MAPK8: variants seen among roughly 807,000 people sequenced by gnomAD.
MAPK8 encodes mitogen-activated protein kinase 8.
Under a neutral mutation model 52.9 loss-of-function variants are expected in MAPK8, and 13 were observed. That is an observed-to-expected ratio of 0.25 (90% CI 0.16 to 0.39). The LOEUF is 0.39. Among genes scored for constraint, MAPK8 ranks in the 10% least tolerant of loss-of-function variants. The probability of loss-of-function intolerance (pLI) is 1.00; values close to 1 mark genes in which losing one functional copy is unlikely to be tolerated. For missense variants in MAPK8, 300 were observed against 519.2 expected (o/e 0.58, Z 4.10); for synonymous variants, 191 against 169.8 (o/e 1.12, Z -0.97).
intron 1 of MAPK8, among the ~76,000 whole-genome samples, chr10:48,371,035 G>A (rs141511238): frequency 5.1e-4 from 77 of 152,180 alleles, no homozygotes; most frequent in African/African-American, 1.8e-3. Context: ...GCAGATCACC[G>A]GATTTGTGAG....
At chr10:48,312,082 C>T (rs1842034468) in intron 1 of MAPK8, among the ~76,000 whole-genome samples, 1 of 152,172 alleles carries the variant, frequency 6.6e-6, no homozygotes, top group Non-Finnish European at 1.5e-5. Context: ...GTCATTGGGG[C>T]ATTTGGGGCC....
intron 9 of MAPK8, 31 bp from the exon 10 acceptor site, chr10:48,427,049 G>A: frequency 1.3e-6 from 2 of 1,565,586 alleles, no homozygotes; most frequent in Non-Finnish European, 1.8e-6. Flanking sequence ...CCAGCATACT[G>A]ACTTGGTTAT....
intron 1 of MAPK8, among the ~76,000 whole-genome samples, chr10:48,328,124 T>C (rs891813736): frequency 2.0e-5 from 3 of 152,076 alleles, no homozygotes; most frequent in Non-Finnish European, 2.9e-5. Flanking sequence ...TCAAGCGATT[T>C]TCCTGCCTCA....
chr10:48,400,697 C>CA (rs1427653721), intron 1 of MAPK8, among the ~76,000 whole-genome samples: 3 of 152,086 alleles, frequency 2.0e-5, no homozygotes, highest in South Asian at 2.1e-4. Flanking sequence ...CTTAAAACCA[C>CA]AAAAAACAAT....
intron 1 of MAPK8, among the ~76,000 whole-genome samples, chr10:48,332,896 A>G (rs980546417): frequency 6.6e-6 from 1 of 152,180 alleles, no homozygotes; most frequent in Non-Finnish European, 1.5e-5. Context: ...TTTGGCCTTC[A>G]AGGAGCTTTA....
intron 1 of MAPK8, among the ~76,000 whole-genome samples, chr10:48,349,267 A>G (rs190579538): frequency 4.4e-4 from 67 of 152,300 alleles, no homozygotes; most frequent in African/African-American, 1.6e-3. Flanking sequence ...CTCTGGACCA[A>G]GCGGACCTAA....
At position 48,410,188 on chromosome 10, in the gene MAPK8, G is replaced by A. The variant is rs73309917; in HGVS notation, c.450+20G>A. The A allele has an allele frequency of 1.2e-3, 1,707 of 1,469,894 alleles. 20 individuals carry two copies. In the East Asian group the frequency reaches 0.013, roughly 11 times the overall value. The allele number at this position is 1,469,894 out of a possible 1,614,324, so 91.1% of individuals were successfully genotyped here. A position where few individuals can be genotyped will look rare whatever the true frequency, so the allele number is the denominator to read the frequency against. ...CATCGGGTTAGTAGAAGAAACTATC[G>A]TCATACTCTTTGTTTTCTCATTGAG... On this transcript the variant is annotated intron_variant, in intron 5 of 11. Transcript: ENST00000374189.
chr10:48,323,101 T>C (rs1253776000), intron 1 of MAPK8, among the ~76,000 whole-genome samples: 1 of 152,154 alleles, frequency 6.6e-6, no homozygotes, highest in African/African-American at 2.4e-5. Flanking sequence ...TTCTACAGAT[T>C]ATAGAAATTA....
intron 1 of MAPK8, among the ~76,000 whole-genome samples, chr10:48,317,133 T>A (rs995960217): frequency 1.3e-5 from 2 of 152,064 alleles, no homozygotes; most frequent in Non-Finnish European, 2.9e-5. Context: ...TTTATTAAAG[T>A]GGGAAGAAAG....
Position 48,435,053 on chromosome 10 carries a change from G to T in MAPK8, c.*24G>T. 7.3e-6 allele frequency: 8 copies of T among 1,095,494 alleles called. No homozygotes were observed. The highest frequency in any genetic ancestry group is 9.1e-6 in the Non-Finnish European group (7 of 771,360). 67.9% of individuals were successfully genotyped at this position (1,095,494 alleles called of 1,614,324 possible). A position where few individuals can be genotyped will look rare whatever the true frequency, so the allele number is the denominator to read the frequency against. On this transcript the variant is annotated 3_prime_UTR_variant, in exon 12 of 12. Transcript: ENST00000374189. The stretch of plus-strand genomic sequence containing the variant: ...GACTACTTGGGCCATCGGGGGGTGG[G>T]AGGGATGGGGAGTCGGTTAGTCATT...
chr10:48,370,015 A>G (rs1412123229), intron 1 of MAPK8, among the ~76,000 whole-genome samples: 1 of 152,018 alleles, frequency 6.6e-6, no homozygotes, highest in Non-Finnish European at 1.5e-5. Flanking sequence ...ATGACAGCGA[A>G]GTAAGGTTTT....
At chr10:48,313,030 GC>G (rs762922874) in intron 1 of MAPK8, among the ~76,000 whole-genome samples, 3 of 152,110 alleles carry the variant, frequency 2.0e-5, no homozygotes, top group African/African-American at 2.4e-5. Flanking sequence ...TAGAATGAAG[GC>G]TTTTTTTGCA....
chr10:48,351,272 A>ATTTTT (rs66660207), intron 1 of MAPK8, among the ~76,000 whole-genome samples: 5,749 of 129,434 alleles, frequency 0.044, 383 homozygotes, highest in South Asian at 0.053. Context: ...ATAACTTTGA[A>ATTTTT]TTTTTTTTTT....
chr10:48,379,996 C>T (rs555909058), intron 1 of MAPK8, among the ~76,000 whole-genome samples: 7 of 147,562 alleles, frequency 4.7e-5, no homozygotes, highest in Non-Finnish European at 7.4e-5. Context: ...GTAATCCCAG[C>T]ACTTTGGGAG....
At chr10:48,418,963 ATATT>A (rs1165622419) in intron 5 of MAPK8, among the ~76,000 whole-genome samples, 1 of 152,226 alleles carries the variant, frequency 6.6e-6, no homozygotes, top group Non-Finnish European at 1.5e-5. Context: ...AAAGCTTGTA[ATATT>A]TATTCTTAAA....
At chr10:48,360,843 G>T (rs906130348) in intron 1 of MAPK8, among the ~76,000 whole-genome samples, 2 of 152,136 alleles carry the variant, frequency 1.3e-5, no homozygotes, top group African/African-American at 4.8e-5. Context: ...TAGGATAAAT[G>T]GTACCTCTTG....
intron 1 of MAPK8, among the ~76,000 whole-genome samples, chr10:48,311,492 G>C (rs762209597): frequency 6.6e-6 from 1 of 152,152 alleles, no homozygotes; most frequent in Non-Finnish European, 1.5e-5. Flanking sequence ...TTTCCCACAG[G>C]AGAAAATTGC....
intron 1 of MAPK8, among the ~76,000 whole-genome samples, chr10:48,369,963 C>G (rs1196130340): frequency 6.6e-6 from 1 of 152,106 alleles, no homozygotes. Context: ...TAAATATAAA[C>G]AGTGCTTGAG....
chr10:48,381,341 C>A (rs993232486), intron 1 of MAPK8, among the ~76,000 whole-genome samples: 2 of 152,078 alleles, frequency 1.3e-5, no homozygotes, highest in African/African-American at 4.8e-5. Flanking sequence ...AATTACTTTT[C>A]CTTTAGCAAA....
Sources: gnomAD v4.1 joint callset for allele counts (sites outside exome capture counted in the v4.1 genomes callset) on GRCh38, gnomAD v4.1.1 for gene constraint, MANE v1.5 for transcripts, NCBI Gene and HGNC (gene_info 2026-07-23, HGNC 2026-07-21) for gene names.